NBAS: variants seen among roughly 807,000 people sequenced by gnomAD.
NBAS encodes NBAS subunit of NRZ tethering complex, also known as NAG/BC035112 fusion.
A neutral mutation model predicts 302.5 loss-of-function variants in NBAS; 219 were observed. That is an observed-to-expected ratio of 0.72 (90% CI 0.65 to 0.81). The LOEUF (loss-of-function observed/expected upper bound fraction) is 0.81, where lower values mean the gene tolerates loss of function less well. Ranked by LOEUF, NBAS falls within the 30% of genes least tolerant of loss-of-function variation. NBAS has a pLI of 0.00. For synonymous variants in NBAS, 1,118 were observed against 1,021.6 expected, an observed-to-expected ratio of 1.09 and a Z score of -1.80; for missense variants, 2,932 against 2,841.6, an observed-to-expected ratio of 1.03 and a Z score of -0.72.
chr2:15,501,258 G>A (rs113485607), intron 11 of NBAS, among the ~76,000 whole-genome samples: 2 of 151,062 alleles, frequency 1.3e-5, no homozygotes, highest in Non-Finnish European at 2.9e-5. Context: ...CCCAGCCTGG[G>A]CAACAGAGCG....
the NBAS span, among the ~76,000 whole-genome samples, chr2:15,030,754 A>G: frequency 6.6e-6 from 1 of 152,282 alleles, no homozygotes; most frequent in African/African-American, 2.4e-5. Flanking sequence ...GGGGTCACAC[A>G]TTCTTTGTTG....
At chr2:15,175,133 A>AT (rs1321483095) in intron 51 of NBAS, among the ~76,000 whole-genome samples, 5 of 151,956 alleles carry the variant, frequency 3.3e-5, no homozygotes, top group South Asian at 2.1e-4. Context: ...CAACTGGCTA[A>AT]TTTTTTGTAT....
In NBAS at chr2:15,468,405, T is replaced by G. The variant is rs1217699264; in HGVS notation, c.1854A>C (p.Ile618=). 1.2e-6 allele frequency: 2 copies of G among 1,614,074 alleles called. No individual in the cohort carries two copies. The highest frequency in any genetic ancestry group is 3.3e-5 in the Admixed American group (2 of 60,006). Residue 618 remains isoleucine (I), a synonymous_variant, in exon 17 of 52, where the codon ATA becomes ATC. Coordinates refer to ENST00000281513, the MANE Select transcript of NBAS (RefSeq NM_015909.4). ...ACCTGCCATCATCTGCTCCTTTCCC[T>G]ATTGCTAAAAGAGCCTCCAGGTCTG... ...KGTDLEALLA[I]GKGADDGRFT...
the NBAS span, among the ~76,000 whole-genome samples, chr2:14,804,090 T>C: frequency 4.6e-5 from 7 of 152,206 alleles, no homozygotes; most frequent in African/African-American, 1.7e-4. Context: ...CTTGCTAAAA[T>C]GTATTTGTAA....
chr2:15,320,819 C>T (rs1054142645), intron 38 of NBAS, among the ~76,000 whole-genome samples: 3 of 152,122 alleles, frequency 2.0e-5, no homozygotes, highest in Non-Finnish European at 2.9e-5. Context: ...GCCATACTGT[C>T]CAAGGTAATT....
At chr2:15,107,612 G>T in the NBAS span, among the ~76,000 whole-genome samples, 1 of 152,098 alleles carries the variant, frequency 6.6e-6, no homozygotes, top group Non-Finnish European at 1.5e-5. Context: ...ACCAACAGAA[G>T]GAAGCAACAT....
intron 44 of NBAS, among the ~76,000 whole-genome samples, chr2:15,274,962 TA>T (rs1333581417): frequency 6.6e-6 from 1 of 151,148 alleles, no homozygotes; most frequent in African/African-American, 2.4e-5. Context: ...TTTTTTCTTC[TA>T]GTAGAGATGG....
intron 35 of NBAS, among the ~76,000 whole-genome samples, chr2:15,333,780 G>C (rs57406561): frequency 0.035 from 5,197 of 148,760 alleles, 303 homozygotes; most frequent in African/African-American, 0.12. Flanking sequence ...AAAAATGGAA[G>C]GAAAGTCAGT....
At chr2:15,461,093 T>C in intron 21 of NBAS, 108 bp downstream of exon 21, 1 of 1,059,862 alleles carries the variant, frequency 9.4e-7, no homozygotes, top group Non-Finnish European at 1.4e-6. Flanking sequence ...GAAAAAAGTT[T>C]AAATATATTA....
At chr2:14,915,242 T>C in the NBAS span, among the ~76,000 whole-genome samples, 1 of 152,228 alleles carries the variant, frequency 6.6e-6, no homozygotes, top group African/African-American at 2.4e-5. Flanking sequence ...TTATAATAAC[T>C]GGGTCCTTTA....
At chr2:15,302,530 G>T (rs1040277791) in intron 40 of NBAS, among the ~76,000 whole-genome samples, 1 of 152,166 alleles carries the variant, frequency 6.6e-6, no homozygotes, top group Admixed American at 6.5e-5. Flanking sequence ...GGGAATGGTG[G>T]TGGGTGGCTG....
the NBAS span, among the ~76,000 whole-genome samples, chr2:15,125,300 C>G: frequency 2.0e-5 from 3 of 152,114 alleles, no homozygotes; most frequent in Non-Finnish European, 4.4e-5. Flanking sequence ...TCTAGGGGGG[C>G]CTCAAGAAGC....
intron 35 of NBAS, among the ~76,000 whole-genome samples, chr2:15,333,392 A>C (rs988230960): frequency 6.6e-6 from 1 of 152,174 alleles, no homozygotes; most frequent in East Asian, 1.9e-4. Flanking sequence ...AACCACGCCA[A>C]AGAACCTCCA....
chr2:15,120,493 G>C, the NBAS span, among the ~76,000 whole-genome samples: 2 of 150,792 alleles, frequency 1.3e-5, no homozygotes, highest in African/African-American at 4.9e-5. Flanking sequence ...GTAAATGCTT[G>C]CTTTATTCTC....
chr2:14,873,550 C>G, the NBAS span, among the ~76,000 whole-genome samples: 10 of 151,864 alleles, frequency 6.6e-5, no homozygotes, highest in South Asian at 2.1e-4. Context: ...AAAATATATA[C>G]CAGGATAGAC....
chr2:15,386,810 T>G (rs1291111399), intron 28 of NBAS, among the ~76,000 whole-genome samples: 1 of 152,228 alleles, frequency 6.6e-6, no homozygotes, highest in Non-Finnish European at 1.5e-5. Context: ...ATTTTTCTTT[T>G]CTTTTTTTAA....
At chr2:15,341,220 T>C (rs2148267990) in intron 35 of NBAS, among the ~76,000 whole-genome samples, 1 of 152,194 alleles carries the variant, frequency 6.6e-6, no homozygotes. Context: ...ACCCTGTCTC[T>C]ATTAAAAATA....
the NBAS span, among the ~76,000 whole-genome samples, chr2:15,009,713 TATATATAC>T: frequency 1.0e-4 from 15 of 147,652 alleles, no homozygotes; most frequent in African/African-American, 3.5e-4. Flanking sequence ...TATATATATA[TATATATAC>T]GGTGCATATG....
chr2:15,410,537 G>T (rs2148448663), intron 25 of NBAS, among the ~76,000 whole-genome samples: 1 of 152,140 alleles, frequency 6.6e-6, no homozygotes, highest in East Asian at 1.9e-4. Context: ...GAAAGAAAAA[G>T]TCAACACTGA....
Sources: allele counts gnomAD v4.1 joint callset (sites outside exome capture counted in the v4.1 genomes callset), GRCh38; gene constraint gnomAD v4.1.1; transcripts MANE v1.5; gene names NCBI Gene and HGNC (gene_info 2026-07-23, HGNC 2026-07-21).